Variants in BAAT observed in about 807,000 individuals in gnomAD.
The protein encoded by BAAT is bile acid-CoA:amino acid N-acyltransferase.
Under a neutral mutation model 18.9 loss-of-function variants are expected in BAAT, and 13 were observed. The ratio of observed to expected loss-of-function variants is 0.69; its 90% CI spans 0.45 to 1.10. BAAT has a LOEUF of 1.10. Among genes scored for constraint, BAAT ranks in the 50% least tolerant of loss-of-function variants. The probability of loss-of-function intolerance (pLI) is 0.00; values close to 1 mark genes in which losing one functional copy is unlikely to be tolerated. For missense variants in BAAT, 489 were observed against 504.0 expected (o/e 0.97, Z 0.28); for synonymous variants, 170 against 190.7 (o/e 0.89, Z 0.89).
intron 1 of BAAT, among the ~76,000 whole-genome samples, chr9:101,381,055 C>CTG (rs949653835): frequency 1.3e-5 from 2 of 151,842 alleles, no homozygotes; most frequent in Non-Finnish European, 2.9e-5. Context: ...CCGCACCTGG[C>CTG]TGTGTGTGTG....
chr9:101,374,818 A>G (rs1360552291), intron 1 of BAAT, among the ~76,000 whole-genome samples: 1 of 152,166 alleles, frequency 6.6e-6, no homozygotes, highest in Admixed American at 6.5e-5. Flanking sequence ...GTCTCAGGGC[A>G]TTATATCATA....
rs1427184380 is a variant in BAAT at position 101,368,108 on chromosome 9, G to A, written c.669+12C>T. 5 of 1,611,576 alleles carry A rather than the reference G, an allele frequency of 3.1e-6. No individual in the cohort carries two copies. Among genetic ancestry groups the A allele is most frequent in the Non-Finnish European group, 4.2e-6 (5 of 1,177,718 alleles). ...CCCAGGGACTCAAACCTACTGAAAAGACAAAAATTACCTTTGGATGTCTCA... is the reference window on the plus strand; with the variant it reads ...CCCAGGGACTCAAACCTACTGAAAAAACAAAAATTACCTTTGGATGTCTCA... On this transcript the variant is annotated intron_variant, in intron 3 of 3. Coordinates refer to ENST00000259407, the MANE Select transcript of BAAT (RefSeq NM_001701.4).
In BAAT at chr9:101,362,465, C is replaced by T. The variant is rs767437096; in HGVS notation, c.1220G>A (p.Arg407Lys). Residue 407 changes from arginine (R) to lysine (K), a missense_variant, in exon 4 of 4, where the codon AGG (arginine) becomes AAG (lysine). Physicochemically the swap from Arg to Lys is conservative, Grantham distance 26. Coordinates refer to ENST00000259407, the MANE Select transcript of BAAT (RefSeq NM_001701.4). The stretch of plus-strand genomic sequence containing the variant: ...GGTCACATCTGGAATGAGGTGCTTC[C>T]TGAGAAATCTCTGGATCTCCTTCCA... Reference protein sequence around the residue: ...HAWKEIQRFLRKHLIPDVTSQ... With the variant: ...HAWKEIQRFLKKHLIPDVTSQ... 1 of 1,614,086 alleles carries T rather than the reference C, an allele frequency of 6.2e-7. No homozygotes were observed. The highest frequency in any genetic ancestry group is 8.5e-7 in the Non-Finnish European group (1 of 1,180,010).
In BAAT at chr9:101,383,432, C is replaced by T. The variant is rs140769661; in HGVS notation, c.-60+1423G>A. The T allele has an allele frequency of 2.0e-4, 30 of 152,264 alleles. 1 individual carries two copies. Among genetic ancestry groups the T allele is most frequent in the African/African-American group, 6.7e-4 (28 of 41,570 alleles). 9.4% of individuals were successfully genotyped at this position (152,264 alleles called of 1,614,324 possible). A position where few individuals can be genotyped will look rare whatever the true frequency, so the allele number is the denominator to read the frequency against. ...GCAGAGATTTTAACTTATTTCCAAT[C>T]GGCCCAAATAAATAGTCCTGATTAA... is the stretch of plus-strand genomic sequence containing the variant. On this transcript the variant is annotated intron_variant, in intron 1 of 3. Transcript: ENST00000259407.
chr9:101,369,135 AG>A (rs1348637576), intron 2 of BAAT, among the ~76,000 whole-genome samples: 18 of 152,170 alleles, frequency 1.2e-4, no homozygotes, highest in Admixed American at 1.3e-4. Flanking sequence ...ACACACTGAA[AG>A]AAACTTACGA....
chr9:101,375,793 A>G (rs954199147), intron 1 of BAAT, among the ~76,000 whole-genome samples: 21 of 152,216 alleles, frequency 1.4e-4, no homozygotes, highest in Admixed American at 6.5e-5. Context: ...CGAGGCAGGG[A>G]GCGCACTAGC....
chr9:101,384,167 A>T (rs770055771), intron 1 of BAAT, among the ~76,000 whole-genome samples: 8 of 152,222 alleles, frequency 5.3e-5, no homozygotes, highest in Non-Finnish European at 1.0e-4. Flanking sequence ...GATCAGCCAA[A>T]TACTCCATAA....
Position 101,368,183 on chromosome 9 carries a change from T to C in BAAT, c.606A>G (p.Lys202=), listed in dbSNP as rs534749353. 1 of 1,614,174 alleles carries C rather than the reference T, an allele frequency of 6.2e-7. No homozygotes were observed. The highest frequency in any genetic ancestry group is 2.2e-5 in the East Asian group (1 of 44,880). ...AYHNYEDLPR[K]PEVTDLEYFE... ...AATATTCCAAATCTGTTACTTCTGGTTTGCGGGGCAGGTCTTCATAGTTAT... is the reference window on the plus strand; with the variant it reads ...AATATTCCAAATCTGTTACTTCTGGCTTGCGGGGCAGGTCTTCATAGTTAT... Residue 202 remains lysine (K), a synonymous_variant, in exon 3 of 4, where the codon AAA becomes AAG. Coordinates refer to ENST00000259407, the MANE Select transcript of BAAT (RefSeq NM_001701.4).
rs545328376 is a variant in BAAT, at chr9:101,362,335, G to A, written c.*93C>T. 3.2e-5 allele frequency: 40 copies of A among 1,268,704 alleles called. No homozygotes were observed. The African/African-American group carries it at 4.4e-4, about 14-fold the overall frequency. 78.6% of individuals were successfully genotyped at this position (1,268,704 alleles called of 1,614,324 possible). A position where few individuals can be genotyped will look rare whatever the true frequency, so the allele number is the denominator to read the frequency against. The stretch of plus-strand genomic sequence containing the variant: ...ATTAAAATTAATACAAAATGTGTGT[G>A]TGGCAGCTGGGGGAGACATTCCGCC... On this transcript the variant is annotated 3_prime_UTR_variant, in exon 4 of 4. Coordinates refer to ENST00000259407, the MANE Select transcript of BAAT (RefSeq NM_001701.4).
chr9:101,381,644 A>C (rs1157900928), intron 1 of BAAT, among the ~76,000 whole-genome samples: 1 of 152,192 alleles, frequency 6.6e-6, no homozygotes. Flanking sequence ...GACAGATTGA[A>C]AGTAAAAGAA....
intron 1 of BAAT, among the ~76,000 whole-genome samples, chr9:101,377,646 A>G (rs1210693907): frequency 6.6e-6 from 1 of 152,232 alleles, no homozygotes; most frequent in Non-Finnish European, 1.5e-5. Context: ...CATAGCCAAT[A>G]TCATAATGAA....
intron 3 of BAAT, among the ~76,000 whole-genome samples, chr9:101,364,406 A>G (rs994442565): frequency 6.6e-6 from 1 of 152,212 alleles, no homozygotes; most frequent in African/African-American, 2.4e-5. Flanking sequence ...AGAAATGTCA[A>G]TCTAATCTCC....
chr9:101,362,319 A>T lies in BAAT; in HGVS notation c.*109T>A. On this transcript the variant is annotated 3_prime_UTR_variant, in exon 4 of 4. Coordinates refer to ENST00000259407, the MANE Select transcript of BAAT (RefSeq NM_001701.4). The stretch of plus-strand genomic sequence containing the variant: ...TATGCTCTTTTTAATCATTAAAATT[A>T]ATACAAAATGTGTGTGTGGCAGCTG... The T allele has an allele frequency of 2.6e-6, 3 of 1,168,858 alleles. No homozygotes were observed. Among genetic ancestry groups the T allele is most frequent in the Non-Finnish European group, 2.5e-6 (2 of 813,394 alleles). 72.4% of individuals were successfully genotyped at this position (1,168,858 alleles called of 1,614,324 possible).
rs1829728654 is a variant in BAAT at position 101,361,790 on chromosome 9, G to C, written c.*638C>G. On this transcript the variant is annotated 3_prime_UTR_variant, in exon 4 of 4. Transcript: ENST00000259407. ...TTTCTTGTATTTTCCATTTTAATTT[G>C]CTTCATAACTTAAACCAAGGCTCTT... 2 of 152,386 alleles carry C rather than the reference G, an allele frequency of 1.3e-5. No individual in the cohort carries two copies. Among genetic ancestry groups the C allele is most frequent in the South Asian group, 4.2e-4 (2 of 4,796 alleles). The allele number at this position is 152,386 out of a possible 1,614,324, so 9.4% of individuals were successfully genotyped here.
intron 1 of BAAT, among the ~76,000 whole-genome samples, chr9:101,375,103 C>T (rs1008845176): frequency 5.3e-5 from 8 of 152,002 alleles, no homozygotes; most frequent in Non-Finnish European, 7.4e-5. Context: ...GGAGTTGTTC[C>T]CCCCCATACT....
At chr9:101,380,403 AAT>A (rs1204862220) in intron 1 of BAAT, among the ~76,000 whole-genome samples, 1 of 152,024 alleles carries the variant, frequency 6.6e-6, no homozygotes, top group Non-Finnish European at 1.5e-5. Context: ...GCCCCTATTA[AAT>A]GTTTCTCTCT....
intron 3 of BAAT, among the ~76,000 whole-genome samples, chr9:101,364,381 A>T (rs959825938): frequency 2.0e-5 from 3 of 152,206 alleles, no homozygotes; most frequent in African/African-American, 7.2e-5. Context: ...CTTCAGAGTA[A>T]GGCTAGAAAA....
At chr9:101,366,245 C>T (rs10760793) in intron 3 of BAAT, among the ~76,000 whole-genome samples, 96,006 of 151,810 alleles carry the variant, frequency 0.63, 30,964 homozygotes, top group Non-Finnish European at 0.7. Flanking sequence ...AAGTATAACA[C>T]GAAAGAACAA....
intron 1 of BAAT, among the ~76,000 whole-genome samples, chr9:101,372,415 A>G (rs1160221559): frequency 6.6e-6 from 1 of 152,146 alleles, no homozygotes; most frequent in Non-Finnish European, 1.5e-5. Flanking sequence ...CTTTGTACTT[A>G]GGATTTACCC....
Sources: allele counts gnomAD v4.1 joint callset (sites outside exome capture counted in the v4.1 genomes callset), GRCh38; gene constraint gnomAD v4.1.1; transcripts MANE v1.5; gene names NCBI Gene and HGNC (gene_info 2026-07-23, HGNC 2026-07-21).